The following VPS13B variants were observed in gnomAD, a reference collection of about 807,000 sequenced individuals.
VPS13B encodes vacuolar protein sorting 13 homolog B, also known as intermembrane lipid transfer protein VPS13B.
In VPS13B, 285 loss-of-function variants were observed where a neutral mutation model predicts 426.4. The ratio of observed to expected loss-of-function variants is 0.67; its 90% CI spans 0.61 to 0.74. The LOEUF (loss-of-function observed/expected upper bound fraction) is 0.74, where lower values mean the gene tolerates loss of function less well. Ranked by LOEUF, VPS13B falls within the 30% of genes least tolerant of loss-of-function variation. VPS13B has a pLI of 0.00. For synonymous variants in VPS13B, 1,676 were observed against 1,676.4 expected (o/e 1.00, Z 0.01); for missense variants, 4,537 against 4,782.6 (o/e 0.95, Z 1.51).
At chr8:99,614,834 C>T (rs1588552295) in intron 33 of VPS13B, among the ~76,000 whole-genome samples, 2 of 152,082 alleles carry the variant, frequency 1.3e-5, no homozygotes, top group Admixed American at 1.3e-4. Flanking sequence ...AATTTACTTG[C>T]CAGCCAGATG....
rs1563838948 is a variant in VPS13B, at chr8:99,640,056, GAAAAGAAAAGAAAAGAAA to G, written c.5221-1753_5221-1736del. Among the ~76,000 whole-genome samples the G allele has an allele frequency of 8.6e-4, 82 of 95,156 alleles. 2 individuals are homozygous for G. Among genetic ancestry groups the G allele is most frequent in the Middle Eastern group, 4.8e-3 (1 of 208 alleles). The allele number at this position is 95,156 out of a possible 152,430, so 62.4% of individuals were successfully genotyped here. A position where few individuals can be genotyped will look rare whatever the true frequency, so the allele number is the denominator to read the frequency against. ...GAAGAAGAAGAAGAAGAAGAGAAAA[GAAAAGAAAAGAAAAGAAA>G]AGAAAAGAAAAGAAAAGAAAAGAAA... On this transcript the variant is annotated intron_variant, in intron 33 of 61. Transcript: ENST00000357162.
chr8:99,753,025 T>C (rs960119914), intron 39 of VPS13B, among the ~76,000 whole-genome samples: 4 of 152,126 alleles, frequency 2.6e-5, no homozygotes, highest in East Asian at 1.9e-4. Context: ...CTAATTATCA[T>C]TGAGATCCTT....
chr8:99,502,662 GTCTTA>G (rs1821305862), intron 26 of VPS13B, among the ~76,000 whole-genome samples, 169 bp from the exon 27 acceptor site: 1 of 152,094 alleles, frequency 6.6e-6, no homozygotes, highest in Admixed American at 6.6e-5. Context: ...TGAAATAAAT[GTCTTA>G]TCTTAATAAA....
At chr8:99,644,848 C>T (rs1393624148) in intron 34 of VPS13B, among the ~76,000 whole-genome samples, 2 of 152,260 alleles carry the variant, frequency 1.3e-5, no homozygotes, top group South Asian at 4.1e-4. Flanking sequence ...ATTCAACTAG[C>T]ATTTATTGAG....
chr8:99,129,533 C>G (rs1443624601), intron 8 of VPS13B, among the ~76,000 whole-genome samples: 2 of 135,736 alleles, frequency 1.5e-5, no homozygotes, highest in Admixed American at 8.0e-5. Flanking sequence ...CACCACTGTA[C>G]TCTAGCCTGG....
At chr8:99,826,741 T>C (rs1359476965) in intron 51 of VPS13B, among the ~76,000 whole-genome samples, 1 of 152,176 alleles carries the variant, frequency 6.6e-6, no homozygotes, top group African/African-American at 2.4e-5. Flanking sequence ...TGAGATATGT[T>C]CCATCAATAC....
chr8:99,265,492 G>A (rs1034532033), intron 17 of VPS13B, among the ~76,000 whole-genome samples: 1 of 152,112 alleles, frequency 6.6e-6, no homozygotes, highest in Admixed American at 6.6e-5. Flanking sequence ...TAGATTCTAA[G>A]ATAATTCCCC....
Position 99,384,286 on chromosome 8 carries a change from C to G in VPS13B, c.2903C>G (p.Pro968Arg), listed in dbSNP as rs200724624. 6.2e-7 allele frequency: 1 copy of G among 1,613,826 alleles called. No homozygotes were observed. The highest frequency in any genetic ancestry group is 1.3e-5 in the African/African-American group (1 of 75,012). Residue 968 changes from proline (P) to arginine (R), a missense_variant, in exon 20 of 62, where the codon CCT (proline) becomes CGT (arginine). Physicochemically the swap from Pro to Arg is moderately radical, Grantham distance 103 (BLOSUM62 -2). This residue lies in a region of VPS13B where 4,311 missense variants were observed against 4,474.3 expected (regional missense o/e 0.96). Coordinates refer to ENST00000357162, the MANE Select transcript of VPS13B (RefSeq NM_152564.5). ...PILYTWLIYQ[P>R]QKRTSRHMQQ... is the part of the protein sequence containing the mutation. The stretch of plus-strand genomic sequence containing the variant: ...TTATATACGTGGCTCATCTATCAGC[C>G]TCAGAAACGAACAAGTAGACATATG...
chr8:99,361,093 A>C (rs1252486344), intron 19 of VPS13B, among the ~76,000 whole-genome samples: 1 of 152,176 alleles, frequency 6.6e-6, no homozygotes, highest in East Asian at 1.9e-4. Context: ...AATGATCCTC[A>C]GTTTCCTAAT....
intron 33 of VPS13B, among the ~76,000 whole-genome samples, chr8:99,633,979 G>C (rs1828967489): frequency 6.6e-6 from 1 of 151,964 alleles, no homozygotes; most frequent in Non-Finnish European, 1.5e-5. Flanking sequence ...GCAACATAGA[G>C]AAAGAACGGA....
intron 32 of VPS13B, among the ~76,000 whole-genome samples, chr8:99,576,171 G>A (rs1563805432): frequency 6.6e-6 from 1 of 151,944 alleles, no homozygotes; most frequent in Admixed American, 6.6e-5. Context: ...ATTATAAGAG[G>A]AATCTGAGAA....
intron 33 of VPS13B, among the ~76,000 whole-genome samples, chr8:99,591,106 C>A (rs546939782): frequency 6.8e-6 from 1 of 146,076 alleles, no homozygotes; most frequent in African/African-American, 2.5e-5. Context: ...TTCTTTGTCT[C>A]TTTTGATCTT....
At position 99,821,103 on chromosome 8, in the gene VPS13B, AACAC is replaced by A. The variant is rs755074579; in HGVS notation, c.8995-130_8995-127del. ...AATAGAATGTACGTTGTCATTACAAAACACACACACACACACACACACACACACA... is the reference window on the plus strand; with the variant it reads ...AATAGAATGTACGTTGTCATTACAAAACACACACACACACACACACACACA... On this transcript the variant is annotated intron_variant, in intron 49 of 61. Transcript: ENST00000357162. 0.15 allele frequency among the ~76,000 whole-genome samples: 11,611 copies of A among 77,930 alleles called. 914 individuals are homozygous for A. Among genetic ancestry groups the A allele is most frequent in the South Asian group, 0.23 (410 of 1,768 alleles). The allele number at this position is 77,930 out of a possible 152,430, so 51.1% of individuals were successfully genotyped here.
intron 39 of VPS13B, among the ~76,000 whole-genome samples, chr8:99,732,835 A>T (rs1371082350): frequency 4.6e-5 from 7 of 152,274 alleles, no homozygotes; most frequent in Admixed American, 1.3e-4. Flanking sequence ...TCAAAAAAGT[A>T]AGAGGTGGGG....
chr8:99,340,770 C>T (rs1040314233), intron 19 of VPS13B: 63 of 345,946 alleles, frequency 1.8e-4, no homozygotes, highest in African/African-American at 7.7e-4. Flanking sequence ...GGCGAGGTGA[C>T]GCCTGCTCTC....
At chr8:99,209,065 G>A (rs1226414587) in intron 17 of VPS13B, among the ~76,000 whole-genome samples, 1 of 152,096 alleles carries the variant, frequency 6.6e-6, no homozygotes, top group Admixed American at 6.5e-5. Context: ...CAGATCACAA[G>A]GTTGAGAGAT....
At chr8:99,405,169 C>T (rs1815255932) in intron 21 of VPS13B, among the ~76,000 whole-genome samples, 1 of 152,110 alleles carries the variant, frequency 6.6e-6, no homozygotes, top group African/African-American at 2.4e-5. Context: ...TCTGTTATAC[C>T]AGTCTTATTT....
chr8:99,189,863 C>T (rs1189721588), intron 16 of VPS13B, among the ~76,000 whole-genome samples: 2 of 152,112 alleles, frequency 1.3e-5, no homozygotes, highest in African/African-American at 2.4e-5. Context: ...TTTCATTCTA[C>T]TTAGACTTGC....
chr8:99,470,301 A>G (rs1819336617), intron 24 of VPS13B, among the ~76,000 whole-genome samples: 1 of 152,168 alleles, frequency 6.6e-6, no homozygotes, highest in African/African-American at 2.4e-5. Flanking sequence ...CAAACAATTG[A>G]CTACCCCCAC....
Sources: allele counts gnomAD v4.1 joint callset (sites outside exome capture counted in the v4.1 genomes callset), GRCh38; gene constraint gnomAD v4.1.1; regional missense constraint gnomAD v4.1.1; transcripts MANE v1.5; gene names NCBI Gene and HGNC (gene_info 2026-07-23, HGNC 2026-07-21).